CYTH3: variants seen among roughly 807,000 people sequenced by gnomAD.
The protein encoded by CYTH3 is cytohesin-3.
In CYTH3, 23 loss-of-function variants were observed where a neutral mutation model predicts 55.1. The ratio of observed to expected loss-of-function variants is 0.42; its 90% CI spans 0.30 to 0.59. The LOEUF is 0.59. Among genes scored for constraint, CYTH3 ranks in the 20% least tolerant of loss-of-function variants. CYTH3 has a pLI of 0.20. For missense variants in CYTH3, 413 were observed against 524.8 expected, an observed-to-expected ratio of 0.79 and a Z score of 2.08; for synonymous variants, 249 against 194.9, an observed-to-expected ratio of 1.28 and a Z score of -2.31.
chr7:6,262,956 T>A (rs992853276), intron 1 of CYTH3, among the ~76,000 whole-genome samples: 1 of 151,968 alleles, frequency 6.6e-6, no homozygotes, highest in Non-Finnish European at 1.5e-5. Flanking sequence ...TAAAGGCATT[T>A]TTGACCAAAA....
intron 1 of CYTH3, among the ~76,000 whole-genome samples, chr7:6,200,504 T>C (rs544841813): frequency 6.6e-6 from 1 of 152,366 alleles, no homozygotes; most frequent in East Asian, 1.9e-4. Flanking sequence ...TACCTAGTCC[T>C]AATTGAAATT....
intron 4 of CYTH3, among the ~76,000 whole-genome samples, chr7:6,178,217 A>G (rs1783396376): frequency 6.6e-6 from 1 of 152,256 alleles, no homozygotes. Context: ...ATTAGAAATT[A>G]TAAAGGCAGG....
At chr7:6,264,584 C>A (rs750756842) in intron 1 of CYTH3, among the ~76,000 whole-genome samples, 1 of 152,198 alleles carries the variant, frequency 6.6e-6, no homozygotes, top group Non-Finnish European at 1.5e-5. Flanking sequence ...TGCACTCCAG[C>A]CTGGGTGACA....
chr7:6,259,761 A>ATATATAT lies in CYTH3; in HGVS notation c.34+12706_34+12712dup, dbSNP rs1712916598. Among the ~76,000 whole-genome samples, 17 of 25,302 alleles carry ATATATAT rather than the reference A, an allele frequency of 6.7e-4. 1 individual carries two copies. The highest frequency in any genetic ancestry group is 6.2e-3 in the African/African-American group (17 of 2,724). The allele number at this position is 25,302 out of a possible 152,430, so 16.6% of individuals were successfully genotyped here. On this transcript the variant is annotated intron_variant, in intron 1 of 12. Coordinates refer to ENST00000350796, the MANE Select transcript of CYTH3 (RefSeq NM_004227.4). Reference sequence around the variant, plus strand: ...TATATATAATATATATATATATTATATATATATATATTATATATATATAAT... The same window carrying ATATATAT: ...TATATATAATATATATATATATTATATATATATTATATATATATTATATATATATAAT...
chr7:6,190,664 G>C (rs1376423709), intron 1 of CYTH3, 133 bp from the exon 2 acceptor site: 6 of 657,784 alleles, frequency 9.1e-6, no homozygotes, highest in Non-Finnish European at 1.5e-5. Context: ...CTCCCATTGA[G>C]ACTGTATCTG....
intron 1 of CYTH3, among the ~76,000 whole-genome samples, chr7:6,268,270 C>A (rs184447113): frequency 1.3e-5 from 2 of 152,160 alleles, no homozygotes; most frequent in Non-Finnish European, 2.9e-5. Context: ...CAGGCTCAAG[C>A]GATTCTCCTG....
rs1199653139 is a variant in CYTH3 at position 6,163,541 on chromosome 7, C to G, written c.*1403G>C. 6.6e-6 allele frequency: 1 copy of G among 152,378 alleles called. No individual in the cohort carries two copies. Among genetic ancestry groups the G allele is most frequent in the East Asian group, 1.9e-4 (1 of 5,198 alleles). 9.4% of individuals were successfully genotyped at this position (152,378 alleles called of 1,614,324 possible). A position where few individuals can be genotyped will look rare whatever the true frequency, so the allele number is the denominator to read the frequency against. On this transcript the variant is annotated 3_prime_UTR_variant, in exon 13 of 13. Transcript: ENST00000350796. ...CAATGCCCCCGGTCCAGCCCTGAGC[C>G]CTCTCTGTAGGTGGGGCCCAGATCC...
intron 1 of CYTH3, among the ~76,000 whole-genome samples, chr7:6,257,076 A>G (rs1226570630): frequency 2.6e-5 from 4 of 152,242 alleles, no homozygotes; most frequent in African/African-American, 9.6e-5. Flanking sequence ...AGAAAACGCA[A>G]CATTTTAGAA....
Position 6,250,550 on chromosome 7 carries a change from C to G in CYTH3, c.34+21924G>C, listed in dbSNP as rs140358299. Among the ~76,000 whole-genome samples, 219 of 152,294 alleles carry G rather than the reference C, an allele frequency of 1.4e-3. 2 individuals are homozygous for G. The highest frequency in any genetic ancestry group is 5.1e-3 in the African/African-American group (210 of 41,534). ...AACACGGATGAACCTGGGAAAATGA[C>G]TCATGCCACAACATGGATGAACCTG... On this transcript the variant is annotated intron_variant, in intron 1 of 12. Transcript: ENST00000350796.
chr7:6,225,009 A>G (rs182860274), intron 1 of CYTH3, among the ~76,000 whole-genome samples: 2 of 152,380 alleles, frequency 1.3e-5, no homozygotes, highest in African/African-American at 4.8e-5. Flanking sequence ...CTATAGAGAC[A>G]GAAACCACAT....
intron 1 of CYTH3, among the ~76,000 whole-genome samples, chr7:6,259,183 G>A (rs1162292080): frequency 1.3e-5 from 2 of 152,194 alleles, no homozygotes; most frequent in South Asian, 2.1e-4. Flanking sequence ...ACATCTGGAT[G>A]AAAACTTGGG....
chr7:6,229,077 A>T (rs1779321231), intron 1 of CYTH3, among the ~76,000 whole-genome samples: 1 of 152,198 alleles, frequency 6.6e-6, no homozygotes, highest in Admixed American at 6.5e-5. Context: ...ACAGCTGTCT[A>T]GCAACAGAAT....
intron 1 of CYTH3, among the ~76,000 whole-genome samples, chr7:6,224,082 A>AT (rs1687371427): frequency 6.6e-6 from 1 of 152,096 alleles, no homozygotes; most frequent in Non-Finnish European, 1.5e-5. Flanking sequence ...ACAGAAAAAA[A>AT]GCAAATGAGA....
chr7:6,240,292 C>CAAAAA (rs60884841), intron 1 of CYTH3, among the ~76,000 whole-genome samples: 18 of 60,466 alleles, frequency 3.0e-4, no homozygotes, highest in African/African-American at 3.6e-4. Context: ...GACTCCATCT[C>CAAAAA]AAAAAAAAAA....
rs775313435 is a variant in CYTH3, at chr7:6,199,726, T to C, written c.35-9195A>G. ...ATGAAAGTCTTGTAAATGATAACTA[T>C]GTGAGTGAATACTTTCCCTTCATGA... On this transcript the variant is annotated intron_variant, in intron 1 of 12. Transcript: ENST00000350796. 2.6e-5 allele frequency among the ~76,000 whole-genome samples: 4 copies of C among 152,252 alleles called. No individual in the cohort carries two copies. In the East Asian group the frequency reaches 7.7e-4, roughly 29 times the overall value.
At chr7:6,235,499 G>C (rs1442822816) in intron 1 of CYTH3, among the ~76,000 whole-genome samples, 6 of 149,778 alleles carry the variant, frequency 4.0e-5, no homozygotes, top group Admixed American at 3.3e-4. Context: ...AAACTGCTTA[G>C]TGCTTGCTAG....
At chr7:6,172,721 C>A in intron 6 of CYTH3, 1 of 1,161,532 alleles carries the variant, frequency 8.6e-7, no homozygotes. Context: ...GACACCCCTC[C>A]CAGACTCACC....
At chr7:6,215,692 C>G (rs1784410832) in intron 1 of CYTH3, among the ~76,000 whole-genome samples, 1 of 151,896 alleles carries the variant, frequency 6.6e-6, no homozygotes, top group South Asian at 2.1e-4. Context: ...AAAACATAAG[C>G]CTATGAATTC....
rs887701278 is a variant in CYTH3 at position 6,244,955 on chromosome 7, A to ATTTTTTTTTTTTTT, written c.34+27505_34+27518dup. The stretch of plus-strand genomic sequence containing the variant: ...AGTCACCCGCCACCACGCCCGGCTA[A>ATTTTTTTTTTTTTT]TTTTTTTTTTTTTTTTTTTTTTTTT... On this transcript the variant is annotated intron_variant, in intron 1 of 12. Transcript: ENST00000350796. Among the ~76,000 whole-genome samples, 29 of 36,454 alleles carry ATTTTTTTTTTTTTT rather than the reference A, an allele frequency of 8.0e-4. 4 individuals are homozygous for ATTTTTTTTTTTTTT. The highest frequency in any genetic ancestry group is 1.1e-3 in the Non-Finnish European group (21 of 19,964). The allele number at this position is 36,454 out of a possible 152,430, so 23.9% of individuals were successfully genotyped here. A position where few individuals can be genotyped will look rare whatever the true frequency, so the allele number is the denominator to read the frequency against.
Sources: gnomAD v4.1 joint callset for allele counts (sites outside exome capture counted in the v4.1 genomes callset) on GRCh38, gnomAD v4.1.1 for gene constraint, MANE v1.5 for transcripts, NCBI Gene and HGNC (gene_info 2026-07-23, HGNC 2026-07-21) for gene names.